The following FBXL17 variants were observed in gnomAD, a reference collection of about 807,000 sequenced individuals.
FBXL17 encodes the protein F-box/LRR-repeat protein 17.
In FBXL17, 22 loss-of-function variants were observed where a neutral mutation model predicts 66.2. That is an observed-to-expected ratio of 0.33 (90% CI 0.24 to 0.47). FBXL17 has a LOEUF of 0.47. Among genes scored for constraint, FBXL17 ranks in the 20% least tolerant of loss-of-function variants. The probability of loss-of-function intolerance (pLI) is 1.00; values close to 1 mark genes in which losing one functional copy is unlikely to be tolerated. For synonymous variants in FBXL17, 474 were observed against 400.5 expected (o/e 1.18, Z -2.19); for missense variants, 878 against 948.2 (o/e 0.93, Z 0.97).
intron 6 of FBXL17, among the ~76,000 whole-genome samples, chr5:108,071,319 T>C (rs1455710013): frequency 6.6e-6 from 1 of 152,226 alleles, no homozygotes; most frequent in African/African-American, 2.4e-5. Context: ...GAGCATAATC[T>C]GTAAACAGTA....
chr5:108,055,278 T>TAG (rs1747642457), intron 6 of FBXL17, among the ~76,000 whole-genome samples: 1 of 75,214 alleles, frequency 1.3e-5, no homozygotes, highest in Non-Finnish European at 2.7e-5. Context: ...ATAGAATTTT[T>TAG]AGAAAAAAAA....
chr5:107,906,017 A>G (rs1156257045), intron 7 of FBXL17, among the ~76,000 whole-genome samples: 1 of 152,138 alleles, frequency 6.6e-6, no homozygotes, highest in Non-Finnish European at 1.5e-5. Context: ...ATGCCCAAAG[A>G]AACTGAAAAG....
At chr5:108,315,984 G>A (rs1350780011) in intron 4 of FBXL17, among the ~76,000 whole-genome samples, 1 of 151,360 alleles carries the variant, frequency 6.6e-6, no homozygotes, top group Non-Finnish European at 1.5e-5. Context: ...CTAAAATGCT[G>A]CCCTGCAAAT....
At chr5:108,125,829 T>C (rs2149970055) in intron 6 of FBXL17, among the ~76,000 whole-genome samples, 1 of 152,260 alleles carries the variant, frequency 6.6e-6, no homozygotes, top group Admixed American at 6.5e-5. Flanking sequence ...TATTCAATTA[T>C]CATTCAAAAT....
At chr5:108,171,874 T>G (rs1752616463) in intron 6 of FBXL17, among the ~76,000 whole-genome samples, 1 of 152,176 alleles carries the variant, frequency 6.6e-6, no homozygotes, top group Admixed American at 6.5e-5. Flanking sequence ...ATGCTGTTCT[T>G]GCAATGGTGA....
At chr5:108,170,916 G>A (rs1451451673) in intron 6 of FBXL17, among the ~76,000 whole-genome samples, 3 of 152,100 alleles carry the variant, frequency 2.0e-5, no homozygotes, top group Non-Finnish European at 4.4e-5. Context: ...CTATTCTAAG[G>A]AAGGGTCTTC....
At chr5:107,884,448 A>G (rs1277686001) in intron 7 of FBXL17, among the ~76,000 whole-genome samples, 1 of 152,232 alleles carries the variant, frequency 6.6e-6, no homozygotes, top group Non-Finnish European at 1.5e-5. Context: ...CTGTTGCAAC[A>G]GCAGCACCTA....
rs891303724 is a variant in FBXL17 at position 107,897,985 on chromosome 5, T to C, written c.1823-16806A>G. Among the ~76,000 whole-genome samples the C allele has an allele frequency of 4.6e-5, 7 of 151,990 alleles. 1 individual carries two copies. The highest frequency in any genetic ancestry group is 1.7e-4 in the African/African-American group (7 of 41,366). On this transcript the variant is annotated intron_variant, in intron 7 of 8. Coordinates refer to ENST00000542267, the MANE Select transcript of FBXL17 (RefSeq NM_001163315.3). The stretch of plus-strand genomic sequence containing the variant: ...GATGAGGATCTGATCTTGGGGAAAT[T>C]CAAGAACTAATAGACACTACACCAG...
At chr5:108,264,743 T>C (rs912714804) in intron 4 of FBXL17, among the ~76,000 whole-genome samples, 1 of 152,130 alleles carries the variant, frequency 6.6e-6, no homozygotes, top group Admixed American at 6.5e-5. Flanking sequence ...GCCAGCTTTA[T>C]TGGCCCATGA....
At chr5:108,101,705 C>T (rs763699340) in intron 6 of FBXL17, among the ~76,000 whole-genome samples, 4 of 152,210 alleles carry the variant, frequency 2.6e-5, no homozygotes, top group Admixed American at 1.3e-4. Flanking sequence ...TCTTCTCCCA[C>T]GCTTCTCAAT....
chr5:108,053,503 GA>G (rs967813705), intron 6 of FBXL17, among the ~76,000 whole-genome samples: 4 of 145,740 alleles, frequency 2.7e-5, no homozygotes, highest in Non-Finnish European at 3.0e-5. Context: ...CTCCATCTCA[GA>G]AAAAAAAAAG....
chr5:107,938,870 A>G (rs1020988118), intron 7 of FBXL17, among the ~76,000 whole-genome samples: 2 of 152,182 alleles, frequency 1.3e-5, no homozygotes, highest in African/African-American at 2.4e-5. Flanking sequence ...ATAATTAAAT[A>G]GGAAAACAAT....
chr5:108,160,844 G>A (rs1752183666), intron 6 of FBXL17, among the ~76,000 whole-genome samples: 1 of 152,126 alleles, frequency 6.6e-6, no homozygotes, highest in African/African-American at 2.4e-5. Context: ...CTGTGGGGAG[G>A]TAAGAGTCTT....
chr5:107,978,881 G>A (rs80054972), intron 7 of FBXL17, among the ~76,000 whole-genome samples: 1 of 152,296 alleles, frequency 6.6e-6, no homozygotes, highest in East Asian at 1.9e-4. Context: ...AACTGGTTTT[G>A]TTTGTGCAGG....
rs554210064 is a variant in FBXL17, at chr5:107,863,001, T to C, written c.1966-1141A>G. ...ACATTGTGTTGATGATACTAAATCTTTGCCAGAGCATTTCTCTACTTAAGA... is the reference window on the plus strand; with the variant it reads ...ACATTGTGTTGATGATACTAAATCTCTGCCAGAGCATTTCTCTACTTAAGA... On this transcript the variant is annotated intron_variant, in intron 8 of 8. Transcript: ENST00000542267. Among the ~76,000 whole-genome samples the C allele has an allele frequency of 4.0e-5, 6 of 151,530 alleles. No homozygotes were observed. The South Asian group carries it at 6.2e-4, about 16-fold the overall frequency.
chr5:108,063,064 A>T (rs143173107), intron 6 of FBXL17, among the ~76,000 whole-genome samples: 3 of 152,286 alleles, frequency 2.0e-5, no homozygotes, highest in South Asian at 4.1e-4. Flanking sequence ...ATACAATATT[A>T]TATCATGCTC....
At chr5:107,920,442 G>A (rs992674328) in intron 7 of FBXL17, among the ~76,000 whole-genome samples, 1 of 152,114 alleles carries the variant, frequency 6.6e-6, no homozygotes, top group Non-Finnish European at 1.5e-5. Flanking sequence ...TAGGAATTCC[G>A]AATCTTAGTA....
chr5:108,287,403 C>T (rs1283284743), intron 4 of FBXL17, among the ~76,000 whole-genome samples: 2 of 151,862 alleles, frequency 1.3e-5, no homozygotes, highest in African/African-American at 2.4e-5. Flanking sequence ...CTATAAGGAA[C>T]TTAAACAAAT....
intron 4 of FBXL17, among the ~76,000 whole-genome samples, chr5:108,231,781 T>C (rs957778700): frequency 2.6e-5 from 4 of 152,078 alleles, no homozygotes; most frequent in African/African-American, 9.7e-5. Context: ...TACTACTCCA[T>C]AAAAGAGATA....
Sources: gnomAD v4.1 joint callset for allele counts (sites outside exome capture counted in the v4.1 genomes callset) on GRCh38, gnomAD v4.1.1 for gene constraint, MANE v1.5 for transcripts, NCBI Gene and HGNC (gene_info 2026-07-23, HGNC 2026-07-21) for gene names.